The following MAPKAP1 variants were observed in gnomAD, a reference collection of about 807,000 sequenced individuals.
MAPKAP1 encodes the protein target of rapamycin complex 2 subunit MAPKAP1.
Under a neutral mutation model 65.7 loss-of-function variants are expected in MAPKAP1, and 20 were observed. The ratio of observed to expected loss-of-function variants is 0.30; its 90% confidence interval spans 0.21 to 0.44. The LOEUF is 0.44. Ranked by LOEUF, MAPKAP1 falls within the 20% of genes least tolerant of loss-of-function variation. MAPKAP1 has a pLI of 1.00. For synonymous variants in MAPKAP1, 222 were observed against 244.3 expected, an observed-to-expected ratio of 0.91 and a Z score of 0.85; for missense variants, 423 against 648.0, an observed-to-expected ratio of 0.65 and a Z score of 3.77.
At chr9:125,553,702 T>C (rs912589724) in intron 6 of MAPKAP1, among the ~76,000 whole-genome samples, 3 of 152,228 alleles carry the variant, frequency 2.0e-5, no homozygotes, top group African/African-American at 4.8e-5. Context: ...AGAAACTCTA[T>C]GGCCAATAGC....
At chr9:125,640,160 G>A (rs2131708040) in intron 4 of MAPKAP1, among the ~76,000 whole-genome samples, 1 of 152,152 alleles carries the variant, frequency 6.6e-6, no homozygotes, top group Admixed American at 6.5e-5. Flanking sequence ...CTGGAGTGCA[G>A]TGGCACGATC....
chr9:125,667,332 G>C (rs976469796), intron 3 of MAPKAP1, among the ~76,000 whole-genome samples: 1 of 152,036 alleles, frequency 6.6e-6, no homozygotes, highest in Non-Finnish European at 1.5e-5. Flanking sequence ...CCGTATTTTT[G>C]GGTTTGAGAC....
chr9:125,681,406 C>T (rs972500050), intron 1 of MAPKAP1, among the ~76,000 whole-genome samples: 2 of 152,236 alleles, frequency 1.3e-5, no homozygotes, highest in Non-Finnish European at 2.9e-5. Context: ...TCCAGCTGTC[C>T]TGCTGAGGCC....
chr9:125,503,356 C>T lies in MAPKAP1; in HGVS notation c.1066+2954G>A, dbSNP rs1462931318. Among the ~76,000 whole-genome samples, 7 of 152,372 alleles carry T rather than the reference C, an allele frequency of 4.6e-5. 1 individual carries two copies. The highest frequency in any genetic ancestry group is 2.9e-5 in the Non-Finnish European group (2 of 68,034). On this transcript the variant is annotated intron_variant, in intron 8 of 11. Transcript: ENST00000265960. ...TCCACAACCCAGCTCAACCTTTAGG[C>T]TGCACTGCCAGACAGGCAGATAATG... is the stretch of plus-strand genomic sequence containing the variant.
intron 5 of MAPKAP1, among the ~76,000 whole-genome samples, chr9:125,584,203 A>C (rs1165389680): frequency 6.6e-6 from 1 of 152,184 alleles, no homozygotes; most frequent in African/African-American, 2.4e-5. Context: ...CGCTGACTGA[A>C]CCATTTTCTA....
intron 7 of MAPKAP1, among the ~76,000 whole-genome samples, chr9:125,526,522 T>C (rs564133824): frequency 2.6e-5 from 4 of 152,334 alleles, no homozygotes; most frequent in African/African-American, 9.6e-5. Flanking sequence ...CATATAACAT[T>C]TTGGTCTTAA....
intron 7 of MAPKAP1, among the ~76,000 whole-genome samples, chr9:125,513,805 A>G (rs1404269255): frequency 6.6e-6 from 1 of 152,144 alleles, no homozygotes; most frequent in Non-Finnish European, 1.5e-5. Context: ...CTGGCATCAA[A>G]GCGAAAGTCT....
At chr9:125,688,888 A>G (rs534586173) in intron 1 of MAPKAP1, among the ~76,000 whole-genome samples, 9 of 152,332 alleles carry the variant, frequency 5.9e-5, no homozygotes, top group Admixed American at 3.9e-4. Context: ...GCCTGGCTCC[A>G]GAATCCTGCT....
At chr9:125,689,583 C>CA (rs201002989) in intron 1 of MAPKAP1, among the ~76,000 whole-genome samples, 3,454 of 146,752 alleles carry the variant, frequency 0.024, 53 homozygotes, top group Middle Eastern at 0.04. Context: ...CTCATCTCTA[C>CA]AAAAAATTAG....
intron 5 of MAPKAP1, among the ~76,000 whole-genome samples, chr9:125,574,870 T>C (rs1400514465): frequency 6.6e-6 from 1 of 152,192 alleles, no homozygotes; most frequent in Non-Finnish European, 1.5e-5. Context: ...ATTTTATACA[T>C]GAGAAAATCA....
intron 9 of MAPKAP1, chr9:125,471,261 C>T (rs1329430496): frequency 1.3e-5 from 2 of 152,370 alleles, no homozygotes; most frequent in Non-Finnish European, 1.5e-5. Flanking sequence ...AAAGGAGGCC[C>T]AGAATCCAGC....
intron 7 of MAPKAP1, among the ~76,000 whole-genome samples, chr9:125,515,444 A>G (rs1282940480): frequency 2.6e-5 from 4 of 152,236 alleles, no homozygotes; most frequent in Admixed American, 2.0e-4. Flanking sequence ...GCTGACAAGC[A>G]GAGACGAGAA....
At chr9:125,443,042 T>C (rs2132922464) in intron 11 of MAPKAP1, among the ~76,000 whole-genome samples, 1 of 152,298 alleles carries the variant, frequency 6.6e-6, no homozygotes, top group Non-Finnish European at 1.5e-5. Context: ...TGATCCTCAC[T>C]TTTCATCTGG....
At chr9:125,519,953 C>T (rs1409370232) in intron 7 of MAPKAP1, among the ~76,000 whole-genome samples, 1 of 151,996 alleles carries the variant, frequency 6.6e-6, no homozygotes, top group Non-Finnish European at 1.5e-5. Context: ...GGATTTGATC[C>T]CTGCCTAAGC....
chr9:125,481,839 C>G (rs1024605550), intron 9 of MAPKAP1, among the ~76,000 whole-genome samples: 1 of 151,918 alleles, frequency 6.6e-6, no homozygotes, highest in South Asian at 2.1e-4. Flanking sequence ...CTTTCATAAA[C>G]TGAAAGTGTG....
chr9:125,538,169 A>G (rs746498761), intron 7 of MAPKAP1, among the ~76,000 whole-genome samples: 1 of 152,184 alleles, frequency 6.6e-6, no homozygotes, highest in Non-Finnish European at 1.5e-5. Context: ...AAGAGTTCGG[A>G]GCAGATATGC....
intron 4 of MAPKAP1, among the ~76,000 whole-genome samples, chr9:125,608,814 A>G (rs1044286782): frequency 6.6e-6 from 1 of 152,222 alleles, no homozygotes; most frequent in African/African-American, 2.4e-5. Context: ...CGTTTCAAAT[A>G]AGCCAATTTC....
chr9:125,593,577 G>T (rs1262127402), intron 4 of MAPKAP1, among the ~76,000 whole-genome samples: 1 of 152,094 alleles, frequency 6.6e-6, no homozygotes, highest in Non-Finnish European at 1.5e-5. Context: ...CAGGAGAATT[G>T]CTTGAACCCG....
chr9:125,569,576 G>A (rs1831166714), intron 5 of MAPKAP1, among the ~76,000 whole-genome samples: 1 of 152,080 alleles, frequency 6.6e-6, no homozygotes, highest in Non-Finnish European at 1.5e-5. Flanking sequence ...ATTCTAAAAG[G>A]ACGTTATTAG....
Sources: allele counts gnomAD v4.1 joint callset (sites outside exome capture counted in the v4.1 genomes callset), GRCh38; gene constraint gnomAD v4.1.1; transcripts MANE v1.5; gene names NCBI Gene and HGNC (gene_info 2026-07-23, HGNC 2026-07-21).